The following USP7 variants were observed in gnomAD, a reference collection of about 807,000 sequenced individuals.
USP7 encodes the protein ubiquitin specific peptidase 7.
A neutral mutation model predicts 162.9 loss-of-function variants in USP7; 9 were observed. The ratio of observed to expected loss-of-function variants is 0.06; its 90% CI spans 0.03 to 0.10. The LOEUF (loss-of-function observed/expected upper bound fraction) is 0.10, where lower values mean the gene tolerates loss of function less well. Ranked by LOEUF, USP7 falls within the 10% of genes least tolerant of loss-of-function variation. The pLI, the probability that USP7 is intolerant of heterozygous loss-of-function variation, is 1.00. For synonymous variants in USP7, 562 were observed against 475.9 expected (o/e 1.18, Z -2.35); for missense variants, 715 against 1,373.7 (o/e 0.52, Z 7.58).
intron 1 of USP7, among the ~76,000 whole-genome samples, chr16:8,956,859 C>T (rs1262384719): frequency 6.6e-6 from 1 of 152,174 alleles, no homozygotes; most frequent in Non-Finnish European, 1.5e-5. Context: ...GGCAGTGCCC[C>T]ATTATCCACG....
intron 1 of USP7, among the ~76,000 whole-genome samples, chr16:8,931,042 C>G (rs1898301244): frequency 1.3e-5 from 2 of 151,638 alleles, no homozygotes; most frequent in Non-Finnish European, 2.9e-5. Flanking sequence ...GAACCTTTAT[C>G]TAATCATGCA....
chr16:8,938,079 G>A (rs889912838), intron 1 of USP7, among the ~76,000 whole-genome samples: 1 of 152,118 alleles, frequency 6.6e-6, no homozygotes, highest in Non-Finnish European at 1.5e-5. Flanking sequence ...CCAGACCAGG[G>A]TCACAGCTGG....
intron 1 of USP7, chr16:8,935,942 A>T (rs74916209): frequency 0.046 from 6,943 of 152,264 alleles, 216 homozygotes; most frequent in Middle Eastern, 0.14. Flanking sequence ...TCAGCACGCG[A>T]ATCTAACCCC....
chr16:8,933,733 T>G (rs886299964), intron 1 of USP7, among the ~76,000 whole-genome samples: 1 of 151,828 alleles, frequency 6.6e-6, no homozygotes, highest in Non-Finnish European at 1.5e-5. Flanking sequence ...TACAGGCATG[T>G]GCCACCCTGC....
chr16:8,922,393 CAGG>C (rs1897743399), intron 3 of USP7, among the ~76,000 whole-genome samples: 1 of 152,218 alleles, frequency 6.6e-6, no homozygotes, highest in Admixed American at 6.5e-5. Context: ...GACGCCGAGG[CAGG>C]AGAATCGCTT....
intron 1 of USP7, 88 bp from the exon 2 acceptor site, chr16:8,930,485 C>T (rs2141230290): frequency 1.2e-6 from 1 of 851,802 alleles, no homozygotes; most frequent in Non-Finnish European, 1.7e-6. Context: ...TTTGATGTTG[C>T]CTAATCATTA....
intron 1 of USP7, among the ~76,000 whole-genome samples, chr16:8,940,515 G>C (rs191849704): frequency 2.0e-5 from 3 of 152,308 alleles, no homozygotes; most frequent in African/African-American, 7.2e-5. Context: ...CTTGGGACCA[G>C]GCAACCCAGG....
chr16:8,921,367 A>T, intron 3 of USP7, 72 bp from the exon 4 acceptor site: 2 of 1,524,460 alleles, frequency 1.3e-6, no homozygotes, highest in South Asian at 1.2e-5. Flanking sequence ...AAGACAGTAA[A>T]CATAGCACAC....
intron 13 of USP7, among the ~76,000 whole-genome samples, chr16:8,905,686 G>C (rs1277242584): frequency 6.6e-6 from 1 of 152,164 alleles, no homozygotes; most frequent in African/African-American, 2.4e-5. Context: ...GCCATACTGA[G>C]CACACCAAAC....
At position 8,901,246 on chromosome 16, in the gene USP7, A is replaced by G; in HGVS notation, c.2048-12T>C. Reference sequence around the variant, plus strand: ...TAACATTACATCATCTACAAGGTTAATAAACAAGTTTTGTTAAGATCCAAA... The same window carrying G: ...TAACATTACATCATCTACAAGGTTAGTAAACAAGTTTTGTTAAGATCCAAA... On this transcript the variant is annotated splice_polypyrimidine_tract_variant and intron_variant, in intron 18 of 30. Coordinates refer to ENST00000344836, the MANE Select transcript of USP7 (RefSeq NM_003470.3). 6.3e-7 allele frequency: 1 copy of G among 1,598,358 alleles called. No homozygotes were observed.
chr16:8,948,886 C>T (rs1445891708), intron 1 of USP7, among the ~76,000 whole-genome samples: 2 of 152,054 alleles, frequency 1.3e-5, no homozygotes, highest in Non-Finnish European at 2.9e-5. Context: ...ATGGCTTTGG[C>T]CCAGGAGCTT....
intron 1 of USP7, chr16:8,936,585 T>C: frequency 6.5e-7 from 1 of 1,545,646 alleles, no homozygotes; most frequent in South Asian, 1.2e-5. Flanking sequence ...TGACTCACCT[T>C]CCAGCCCAAG....
chr16:8,897,278 T>C (rs1024309885), intron 25 of USP7, 179 bp from the exon 26 acceptor site: 14 of 598,516 alleles, frequency 2.3e-5, no homozygotes, highest in Non-Finnish European at 3.0e-6. Context: ...GTGAGGACAC[T>C]GGCCCTAATC....
At chr16:8,958,732 A>AG (rs1459579775) in intron 1 of USP7, among the ~76,000 whole-genome samples, 12 of 152,220 alleles carry the variant, frequency 7.9e-5, no homozygotes, top group African/African-American at 2.9e-4. Flanking sequence ...CTCACGCAAG[A>AG]ATCATCAGAA....
intron 1 of USP7, among the ~76,000 whole-genome samples, chr16:8,931,480 T>C (rs1175081398): frequency 6.6e-6 from 1 of 152,212 alleles, no homozygotes; most frequent in Non-Finnish European, 1.5e-5. Flanking sequence ...TGCCAGTGTC[T>C]TAAAACATCA....
intron 2 of USP7, chr16:8,929,434 C>T (rs972586651): frequency 2.0e-5 from 9 of 454,890 alleles, no homozygotes; most frequent in African/African-American, 8.0e-5. Flanking sequence ...CTCTCAACTA[C>T]GGCTGCAGTT....
At chr16:8,954,214 C>A (rs1407923234) in intron 1 of USP7, among the ~76,000 whole-genome samples, 2 of 147,754 alleles carry the variant, frequency 1.4e-5, no homozygotes, top group Non-Finnish European at 3.0e-5. Context: ...GTGCCCCCTG[C>A]GGCGCCACTG....
rs780144462 is a variant in USP7, at chr16:8,903,414, T to A, written c.1705-12A>T. On this transcript the variant is annotated splice_polypyrimidine_tract_variant and intron_variant, in intron 15 of 30. Transcript: ENST00000344836. ...TCCTCTGCGACTATCTGAAAATATG[T>A]ATGAAAGCACAGAAAAGACTTGACA... The A allele has an allele frequency of 3.1e-6, 5 of 1,611,254 alleles. No individual in the cohort carries two copies. In the East Asian group the frequency reaches 8.9e-5, roughly 29 times the overall value.
At chr16:8,923,176 T>C (rs1254804357) in intron 3 of USP7, 39 bp downstream of exon 3, 30 of 59,618 alleles carry the variant, frequency 5.0e-4, no homozygotes, top group Non-Finnish European at 8.8e-4. Context: ...TGCACTAGGC[T>C]GATCAAATTT....
Sources: gnomAD v4.1 joint callset for allele counts (sites outside exome capture counted in the v4.1 genomes callset) on GRCh38, gnomAD v4.1.1 for gene constraint, MANE v1.5 for transcripts, NCBI Gene and HGNC (gene_info 2026-07-23, HGNC 2026-07-21) for gene names.